The following ZNF521 variants were observed in gnomAD, a reference collection of about 807,000 sequenced individuals.
The protein encoded by ZNF521 is LYST-interacting protein 3.
ZNF521 carries 14 observed loss-of-function variants against 105.5 expected under a neutral mutation model. The observed-to-expected ratio is 0.13, with a 90% CI of 0.09 to 0.21. The LOEUF (loss-of-function observed/expected upper bound fraction) is 0.21, where lower values mean the gene tolerates loss of function less well. Among genes scored for constraint, ZNF521 ranks in the 10% least tolerant of loss-of-function variants. The probability of loss-of-function intolerance (pLI) is 1.00; values close to 1 mark genes in which losing one functional copy is unlikely to be tolerated. For synonymous variants in ZNF521, 635 were observed against 606.0 expected (o/e 1.05, Z -0.70); for missense variants, 1,233 against 1,629.7 (o/e 0.76, Z 4.19).
rs374218698 is a variant in ZNF521 at position 25,108,250 on chromosome 18, C to T, written c.3659-16169G>A. On this transcript the variant is annotated intron_variant, in intron 5 of 7. Transcript: ENST00000361524. ...GATAAAAATATACTTAAAGTATATG[C>T]AATATACAGTGCACTGAAAATTGCA... 2.4e-4 allele frequency among the ~76,000 whole-genome samples: 36 copies of T among 152,176 alleles called. No individual in the cohort carries two copies. In the East Asian group the frequency reaches 5.4e-3, roughly 23 times the overall value.
intron 5 of ZNF521, among the ~76,000 whole-genome samples, chr18:25,129,189 C>A (rs2034591870): frequency 6.6e-6 from 1 of 150,964 alleles, no homozygotes; most frequent in Non-Finnish European, 1.5e-5. Context: ...CAAGGGTAAT[C>A]TAATGGTGAA....
At chr18:25,331,684 T>C (rs1913574568) in intron 2 of ZNF521, among the ~76,000 whole-genome samples, 1 of 152,198 alleles carries the variant, frequency 6.6e-6, no homozygotes, top group African/African-American at 2.4e-5. Flanking sequence ...CATTTCTGAA[T>C]TGGACACCTA....
intron 5 of ZNF521, among the ~76,000 whole-genome samples, chr18:25,148,560 T>C (rs919058086): frequency 6.6e-6 from 1 of 152,176 alleles, no homozygotes; most frequent in South Asian, 2.1e-4. Context: ...GGTCAATGGA[T>C]AAATCCTTAT....
At chr18:25,312,321 T>G (rs899292421) in intron 3 of ZNF521, among the ~76,000 whole-genome samples, 1 of 152,150 alleles carries the variant, frequency 6.6e-6, no homozygotes, top group East Asian at 1.9e-4. Flanking sequence ...GATCTAAAAA[T>G]AATTATTTTA....
In ZNF521 at chr18:25,137,129, C is replaced by T. The variant is rs537761436; in HGVS notation, c.3659-45048G>A. On this transcript the variant is annotated intron_variant, in intron 5 of 7. Coordinates refer to ENST00000361524, the MANE Select transcript of ZNF521 (RefSeq NM_015461.3). ...CTTTTTAAATGTAATTGAAAGACTG[C>T]GTCTTCCTAAAACAGCCAAAATCTA... Among the ~76,000 whole-genome samples, 8 of 152,252 alleles carry T rather than the reference C, an allele frequency of 5.3e-5. No homozygotes were observed. The South Asian group carries it at 1.5e-3, about 28-fold the overall frequency.
At chr18:25,156,309 T>A (rs535576999) in intron 5 of ZNF521, among the ~76,000 whole-genome samples, 2 of 152,342 alleles carry the variant, frequency 1.3e-5, no homozygotes, top group South Asian at 4.1e-4. Context: ...AGAGTCCAGT[T>A]CCCATCAGCA....
chr18:25,322,271 GA>G, intron 2 of ZNF521, 84 bp from the exon 3 acceptor site: 1 of 1,379,488 alleles, frequency 7.2e-7, no homozygotes, highest in African/African-American at 1.4e-5. Context: ...ACCAAAAACA[GA>G]AACACCATTT....
Position 25,316,694 on chromosome 18 carries a change from C to CT in ZNF521, c.220+5313dup, listed in dbSNP as rs199590227. ...GGATCGTTCCTGATTTCATTTCTCC[C>CT]TTTTTTTCGCTTCCTCCTTGGCCTC... On this transcript the variant is annotated intron_variant, in intron 3 of 7. Coordinates refer to ENST00000361524, the MANE Select transcript of ZNF521 (RefSeq NM_015461.3). Among the ~76,000 whole-genome samples the CT allele has an allele frequency of 5.8e-3, 889 of 152,124 alleles. 6 individuals are homozygous for CT. The highest frequency in any genetic ancestry group is 0.02 in the African/African-American group (842 of 41,508).
chr18:25,309,811 T>G (rs188178442), intron 3 of ZNF521, among the ~76,000 whole-genome samples: 4 of 152,266 alleles, frequency 2.6e-5, no homozygotes, highest in African/African-American at 7.2e-5. Context: ...TTAAAGGCAA[T>G]CTGAGTAATA....
At position 25,225,184 on chromosome 18, in the gene ZNF521, T is replaced by G. The variant is rs748297566; in HGVS notation, c.2734A>C (p.Arg912=). 6.8e-6 allele frequency: 11 copies of G among 1,614,022 alleles called. No individual in the cohort carries two copies. Among genetic ancestry groups the G allele is most frequent in the Middle Eastern group, 1.6e-4 (1 of 6,084 alleles). Residue 912 remains arginine (R), a synonymous_variant, in exon 4 of 8, where the codon AGA becomes CGA. Transcript: ENST00000361524. The surrounding 1 kb of genome is among the most constrained non-coding windows in gnomAD (Gnocchi z 5.6). ...QNHQLRDHNI[R]PGESAIVKKK... ...TTCACGATGGCACTTTCTCCAGGTC[T>G]GATGTTGTGGTCTCGGAGCTGGTGA...
intron 5 of ZNF521, among the ~76,000 whole-genome samples, chr18:25,187,313 T>C (rs2035743124): frequency 6.6e-6 from 1 of 152,158 alleles, no homozygotes; most frequent in African/African-American, 2.4e-5. Context: ...AAACAAGGTG[T>C]CTGAATTAAT....
intron 7 of ZNF521, among the ~76,000 whole-genome samples, chr18:25,073,497 G>A (rs915404976): frequency 6.6e-6 from 1 of 152,178 alleles, no homozygotes; most frequent in African/African-American, 2.4e-5. Flanking sequence ...ACTGAAAGAT[G>A]GTGGAGCAGG....
chr18:25,271,962 C>G (rs1339869723), intron 3 of ZNF521, among the ~76,000 whole-genome samples: 2 of 152,150 alleles, frequency 1.3e-5, no homozygotes, highest in Non-Finnish European at 2.9e-5. Context: ...AAACTATCAT[C>G]AGAGTGAAGA....
At chr18:25,267,271 C>A (rs1280730368) in intron 3 of ZNF521, among the ~76,000 whole-genome samples, 1 of 152,206 alleles carries the variant, frequency 6.6e-6, no homozygotes. Flanking sequence ...AAGTCAGCAG[C>A]CCCAGTCAGC....
intron 3 of ZNF521, among the ~76,000 whole-genome samples, chr18:25,312,471 C>T (rs1288075206): frequency 1.3e-5 from 2 of 152,118 alleles, no homozygotes; most frequent in African/African-American, 4.8e-5. Context: ...ATTGAACTGA[C>T]CTTACCTCCA....
intron 5 of ZNF521, among the ~76,000 whole-genome samples, chr18:25,176,860 C>T (rs780514406): frequency 6.6e-5 from 10 of 152,338 alleles, no homozygotes; most frequent in South Asian, 2.1e-4. Flanking sequence ...CACACGTGCG[C>T]GTGCACGCAC....
At chr18:25,182,207 C>T (rs1600127941) in intron 5 of ZNF521, among the ~76,000 whole-genome samples, 5 of 152,092 alleles carry the variant, frequency 3.3e-5, no homozygotes, top group African/African-American at 7.2e-5. Flanking sequence ...CTGACCACTC[C>T]GCAGCAAGCA....
intron 3 of ZNF521, among the ~76,000 whole-genome samples, chr18:25,247,993 A>G (rs1025563839): frequency 1.3e-5 from 2 of 152,178 alleles, no homozygotes; most frequent in Admixed American, 1.3e-4. Flanking sequence ...TTGTCACACT[A>G]TTAGTCACTA....
chr18:25,179,116 CTTTTTTTTTTTT>C (rs1175859497), intron 5 of ZNF521, among the ~76,000 whole-genome samples: 12 of 52,484 alleles, frequency 2.3e-4, no homozygotes, highest in African/African-American at 7.4e-4. Context: ...TTCTTTATTC[CTTTTTTTTTTTT>C]TTTTTTTTTT....
Sources: allele counts gnomAD v4.1 joint callset (sites outside exome capture counted in the v4.1 genomes callset), GRCh38; gene constraint gnomAD v4.1.1; non-coding constraint Gnocchi (gnomAD v3.1); transcripts MANE v1.5; gene names NCBI Gene and HGNC (gene_info 2026-07-23, HGNC 2026-07-21).